The following EMCN variants were observed in gnomAD, a reference collection of about 807,000 sequenced individuals.
EMCN encodes the protein endomucin, also known as MUC-14.
A neutral mutation model predicts 38.4 loss-of-function variants in EMCN; 37 were observed. That is an observed-to-expected ratio of 0.96 (90% CI 0.74 to 1.27). EMCN has a LOEUF of 1.27. Among genes scored for constraint, EMCN ranks in the 50% most tolerant of loss-of-function variants. The pLI is 0.00. For synonymous variants in EMCN, 95 were observed against 100.8 expected (o/e 0.94, Z 0.35); for missense variants, 318 against 302.8 (o/e 1.05, Z -0.37).
In EMCN at chr4:100,424,257, T is replaced by C. The variant is rs183147513; in HGVS notation, c.416-853A>G. 4.9e-4 allele frequency among the ~76,000 whole-genome samples: 74 copies of C among 152,250 alleles called. 1 individual carries two copies. The highest frequency in any genetic ancestry group is 2.9e-5 in the Non-Finnish European group (2 of 68,022). On this transcript the variant is annotated intron_variant, in intron 5 of 11. Transcript: ENST00000296420. The stretch of plus-strand genomic sequence containing the variant: ...GTACTTAGAAAACTTTTTGAAAATG[T>C]ATTCTCTTCCTCGTGCAGTATGAAG...
intron 1 of EMCN, among the ~76,000 whole-genome samples, chr4:100,506,826 C>A (rs1411808726): frequency 6.6e-6 from 1 of 152,128 alleles, no homozygotes; most frequent in Non-Finnish European, 1.5e-5. Flanking sequence ...TAACGGTAAG[C>A]TAATGAACCA....
chr4:100,422,366 G>T (rs998075562), intron 7 of EMCN, among the ~76,000 whole-genome samples: 1 of 152,008 alleles, frequency 6.6e-6, no homozygotes, highest in Admixed American at 6.6e-5. Context: ...AATGGAATGG[G>T]TTTAACTAAA....
rs776040882 is a variant in EMCN at position 100,423,455 on chromosome 4, A to G, written c.416-51T>C. ...TCAGGCTATGGTATTAAGCCTTCAT[A>G]TGGGATTTCTTTGCAGATTCAAACA... On this transcript the variant is annotated intron_variant, in intron 5 of 11. Transcript: ENST00000296420. The G allele has an allele frequency of 3.9e-6, 5 of 1,297,114 alleles. 1 individual carries two copies. The highest frequency in any genetic ancestry group is 3.6e-5 in the South Asian group (3 of 84,142). 80.4% of individuals were successfully genotyped at this position (1,297,114 alleles called of 1,614,324 possible). A position where few individuals can be genotyped will look rare whatever the true frequency, so the allele number is the denominator to read the frequency against.
chr4:100,512,078 C>T lies in EMCN; in HGVS notation c.64+5773G>A, dbSNP rs533378266. Among the ~76,000 whole-genome samples, 435 of 152,232 alleles carry T rather than the reference C, an allele frequency of 2.9e-3. 4 individuals carry two copies. The highest frequency in any genetic ancestry group is 5.0e-3 in the Non-Finnish European group (340 of 68,012). On this transcript the variant is annotated intron_variant, in intron 1 of 11. Coordinates refer to ENST00000296420, the MANE Select transcript of EMCN (RefSeq NM_016242.4). ...GATATATGCATTAAAGTGAGGCAAG[C>T]GGCTGTCAGGTTACACCCGTGCGTA...
intron 5 of EMCN, among the ~76,000 whole-genome samples, chr4:100,438,447 T>C (rs1196749619): frequency 1.3e-5 from 2 of 152,132 alleles, no homozygotes; most frequent in African/African-American, 2.4e-5. Context: ...ATGTTAATTT[T>C]TCCTTTTGCG....
Position 100,475,037 on chromosome 4 carries a change from C to T in EMCN, c.259+1G>A. On this transcript the variant is annotated splice_donor_variant, in intron 3 of 11. Transcript: ENST00000296420. LOFTEE classifies it high-confidence loss of function. ...TTGTAGAAAAATGAATCATTACTCA[C>T]CTTCATCTTTACTTGTTAAAAAAGT... The T allele has an allele frequency of 6.8e-7, 1 of 1,474,912 alleles. No individual in the cohort carries two copies. Among genetic ancestry groups the T allele is most frequent in the Middle Eastern group, 1.8e-4 (1 of 5,608 alleles). The allele number at this position is 1,474,912 out of a possible 1,614,324, so 91.4% of individuals were successfully genotyped here. A position where few individuals can be genotyped will look rare whatever the true frequency, so the allele number is the denominator to read the frequency against.
chr4:100,436,912 G>A (rs1727369500), intron 5 of EMCN, among the ~76,000 whole-genome samples: 1 of 152,106 alleles, frequency 6.6e-6, no homozygotes, highest in Non-Finnish European at 1.5e-5. Flanking sequence ...AGTAGTGAAT[G>A]GATGCTGGGC....
intron 4 of EMCN, among the ~76,000 whole-genome samples, chr4:100,453,324 A>C (rs918323588): frequency 6.6e-6 from 1 of 152,110 alleles, no homozygotes; most frequent in African/African-American, 2.4e-5. Flanking sequence ...CAAATTTACA[A>C]GAAAAAAACA....
At position 100,496,956 on chromosome 4, in the gene EMCN, G is replaced by A. The variant is rs139900202; in HGVS notation, c.65-16917C>T. Among the ~76,000 whole-genome samples, 442 of 151,984 alleles carry A rather than the reference G, an allele frequency of 2.9e-3. 5 individuals carry two copies. The highest frequency in any genetic ancestry group is 0.01 in the African/African-American group (424 of 41,492). ...TGATAGCTTCTCCATATGACAGAAA[G>A]TGAGTCCCATTCCATTTTCTCTCTT... On this transcript the variant is annotated intron_variant, in intron 1 of 11. Coordinates refer to ENST00000296420, the MANE Select transcript of EMCN (RefSeq NM_016242.4).
intron 5 of EMCN, among the ~76,000 whole-genome samples, chr4:100,443,822 T>G (rs189991544): frequency 4.7e-4 from 71 of 152,280 alleles, no homozygotes; most frequent in African/African-American, 1.7e-3. Flanking sequence ...GTGACCCTGG[T>G]GGACATGGGA....
intron 1 of EMCN, among the ~76,000 whole-genome samples, chr4:100,504,772 C>T (rs1729437142): frequency 6.6e-6 from 1 of 152,212 alleles, no homozygotes; most frequent in Non-Finnish European, 1.5e-5. Context: ...ACTTAGCAGA[C>T]TGAGAAAGGG....
At chr4:100,487,406 G>A (rs1041883725) in intron 1 of EMCN, among the ~76,000 whole-genome samples, 2 of 152,178 alleles carry the variant, frequency 1.3e-5, no homozygotes, top group African/African-American at 4.8e-5. Flanking sequence ...GTCCTGAGGG[G>A]AGCAGCACTG....
intron 5 of EMCN, among the ~76,000 whole-genome samples, chr4:100,440,596 T>A (rs1727484736): frequency 6.6e-6 from 1 of 152,070 alleles, no homozygotes; most frequent in Non-Finnish European, 1.5e-5. Flanking sequence ...CTGAGAAGTA[T>A]TCTATGGTGT....
intron 1 of EMCN, among the ~76,000 whole-genome samples, chr4:100,503,407 A>C (rs1224120288): frequency 1.3e-5 from 2 of 152,132 alleles, no homozygotes; most frequent in African/African-American, 2.4e-5. Context: ...ATTTTGGCAC[A>C]ATTTGCAGTA....
At chr4:100,405,768 G>GT (rs1037397325) in intron 11 of EMCN, among the ~76,000 whole-genome samples, 16 of 151,706 alleles carry the variant, frequency 1.1e-4, no homozygotes, top group Admixed American at 3.9e-4. Flanking sequence ...GTTTCTTCTC[G>GT]TTTTTTTGGA....
intron 1 of EMCN, chr4:100,483,308 C>T (rs1728859631): frequency 6.6e-6 from 1 of 152,036 alleles, no homozygotes; most frequent in East Asian, 1.9e-4. Flanking sequence ...ATTCAGACAG[C>T]CTTGACTTCA....
intron 1 of EMCN, among the ~76,000 whole-genome samples, chr4:100,491,407 C>A (rs1002108085): frequency 2.0e-5 from 3 of 152,142 alleles, no homozygotes; most frequent in African/African-American, 7.2e-5. Context: ...GGGAGATGAC[C>A]ATCACAGCAA....
chr4:100,494,069 T>C (rs1325729788), intron 1 of EMCN, among the ~76,000 whole-genome samples: 1 of 152,152 alleles, frequency 6.6e-6, no homozygotes, highest in Admixed American at 6.6e-5. Flanking sequence ...TTTCTCCACA[T>C]TGGATGTGGA....
At chr4:100,490,661 G>A (rs1007823532) in intron 1 of EMCN, among the ~76,000 whole-genome samples, 2 of 152,158 alleles carry the variant, frequency 1.3e-5, no homozygotes, top group Non-Finnish European at 2.9e-5. Context: ...TAGCCTAAGA[G>A]CAAGAGGTTA....
Sources: allele counts gnomAD v4.1 joint callset (sites outside exome capture counted in the v4.1 genomes callset), GRCh38; gene constraint gnomAD v4.1.1; transcripts MANE v1.5; gene names NCBI Gene and HGNC (gene_info 2026-07-23, HGNC 2026-07-21).